Variants in TCF20 observed in about 807,000 individuals in gnomAD.
TCF20 encodes transcription factor 20, also known as SPRE-binding protein.
In TCF20, 3 loss-of-function variants were observed where a neutral mutation model predicts 148.6. The ratio of observed to expected loss-of-function variants is 0.02; its 90% CI spans 0.01 to 0.05. The LOEUF (loss-of-function observed/expected upper bound fraction) is 0.05. Ranked by LOEUF, TCF20 falls within the 10% of genes least tolerant of loss-of-function variation. TCF20 has a pLI of 1.00. For missense variants in TCF20, 2,350 were observed against 2,429.3 expected (o/e 0.97, Z 0.69); for synonymous variants, 1,049 against 909.5 (o/e 1.15, Z -2.76).
rs200083314 is a variant in TCF20 at position 42,215,098 on chromosome 22, C to T, written c.208G>A (p.Ala70Thr). 1 of 1,614,170 alleles carries T rather than the reference C, an allele frequency of 6.2e-7. No individual in the cohort carries two copies. The stretch of plus-strand genomic sequence containing the variant: ...CCTTGATGGCCAGAGGTCTCGCTAG[C>T]CATCGCTGCCGCAGCAGCTGCTGCT... ...RGAAAAAAAM[A>T]SETSGHQGYQ... Residue 70 changes from alanine (A) to threonine (T), a missense_variant, in exon 2 of 6, where the codon GCT (alanine) becomes ACT (threonine). Physicochemically the swap from Ala to Thr is moderately conservative, Grantham distance 58. Transcript: ENST00000677622.
At chr22:42,303,608 A>T (rs1927378154) in intron 1 of TCF20, among the ~76,000 whole-genome samples, 1 of 152,186 alleles carries the variant, frequency 6.6e-6, no homozygotes. Flanking sequence ...CCTCACCTTT[A>T]ACTATCTCCT....
At chr22:42,305,446 A>C (rs1409057857) in intron 1 of TCF20, among the ~76,000 whole-genome samples, 1 of 151,930 alleles carries the variant, frequency 6.6e-6, no homozygotes, top group African/African-American at 2.4e-5. Context: ...GTCTCTCTAA[A>C]CTGCACATCT....
At chr22:42,245,396 T>C (rs1924821925) in intron 1 of TCF20, among the ~76,000 whole-genome samples, 1 of 152,272 alleles carries the variant, frequency 6.6e-6, no homozygotes, top group South Asian at 2.1e-4. Context: ...CTCATTCCCA[T>C]GGCTACTCAT....
At chr22:42,322,812 G>A (rs1927759311) in intron 1 of TCF20, among the ~76,000 whole-genome samples, 1 of 151,742 alleles carries the variant, frequency 6.6e-6, no homozygotes, top group African/African-American at 2.4e-5. Flanking sequence ...CTGAGTAAAT[G>A]AATGTGCCTC....
At chr22:42,263,326 A>C (rs1926121016) in intron 1 of TCF20, among the ~76,000 whole-genome samples, 1 of 152,194 alleles carries the variant, frequency 6.6e-6, no homozygotes, top group African/African-American at 2.4e-5. Flanking sequence ...GGAAACGCCC[A>C]GAGAAGTACC....
At chr22:42,305,252 T>G (rs1316722676) in intron 1 of TCF20, among the ~76,000 whole-genome samples, 1 of 152,094 alleles carries the variant, frequency 6.6e-6, no homozygotes, top group Non-Finnish European at 1.5e-5. Flanking sequence ...AATCCCCTAA[T>G]TCATACTAGG....
chr22:42,160,652 A>G lies in TCF20; in HGVS notation c.*751T>C, dbSNP rs946658160. ...AAAAAGAAAAAATTAAAAAAAAAAA[A>G]CCATAAATAAATAGTGTTTCTGGAA... On this transcript the variant is annotated 3_prime_UTR_variant, in exon 6 of 6. Coordinates refer to ENST00000677622, the MANE Select transcript of TCF20 (RefSeq NM_001378418.1). 3 of 152,102 alleles carry G rather than the reference A, an allele frequency of 2.0e-5. No homozygotes were observed. In the East Asian group the frequency reaches 5.8e-4, roughly 29 times the overall value. 9.4% of individuals were successfully genotyped at this position (152,102 alleles called of 1,614,324 possible). A position where few individuals can be genotyped will look rare whatever the true frequency, so the allele number is the denominator to read the frequency against.
At position 42,190,874 on chromosome 22, in the gene TCF20, T is replaced by C. The variant is rs5758642; in HGVS notation, c.5656-11172A>G. ...TGCCCACAAAAAAGAAAGTTCGTAATTATCACACATGGTATGAACTTCAAC... is the reference window on the plus strand; with the variant it reads ...TGCCCACAAAAAAGAAAGTTCGTAACTATCACACATGGTATGAACTTCAAC... On this transcript the variant is annotated intron_variant, in intron 2 of 5. Coordinates refer to ENST00000677622, the MANE Select transcript of TCF20 (RefSeq NM_001378418.1). Among the ~76,000 whole-genome samples, 81 of 152,310 alleles carry C rather than the reference T, an allele frequency of 5.3e-4. No homozygotes were observed. The East Asian group carries it at 0.015, about 28-fold the overall frequency.
At chr22:42,309,454 C>T (rs981207820) in intron 1 of TCF20, among the ~76,000 whole-genome samples, 1 of 152,082 alleles carries the variant, frequency 6.6e-6, no homozygotes, top group Non-Finnish European at 1.5e-5. Flanking sequence ...TGGGCCTCCG[C>T]GCTCTGGCCT....
intron 3 of TCF20, among the ~76,000 whole-genome samples, chr22:42,175,041 C>CA (rs943343065): frequency 0.01 from 1,381 of 137,322 alleles, 2 homozygotes; most frequent in Non-Finnish European, 0.013. Context: ...TCTCAAAAAA[C>CA]AAAAAAAAAA....
At position 42,218,047 on chromosome 22, in the gene TCF20, T is replaced by C. The variant is rs545190516; in HGVS notation, c.-36-2706A>G. Among the ~76,000 whole-genome samples the C allele has an allele frequency of 1.1e-4, 16 of 152,354 alleles. No individual in the cohort carries two copies. The South Asian group carries it at 3.1e-3, about 30-fold the overall frequency. ...AAATGCCTCTGTTGCTTTGTTCCAGTGAATCTGCAGGGCAGTAGGTAATAG... is the reference window on the plus strand; with the variant it reads ...AAATGCCTCTGTTGCTTTGTTCCAGCGAATCTGCAGGGCAGTAGGTAATAG... On this transcript the variant is annotated intron_variant, in intron 1 of 5. Transcript: ENST00000677622.
chr22:42,313,821 A>G (rs1927580687), intron 1 of TCF20, among the ~76,000 whole-genome samples: 1 of 152,090 alleles, frequency 6.6e-6, no homozygotes, highest in Non-Finnish European at 1.5e-5. Flanking sequence ...GCTGGTCTCA[A>G]ACTCCTGACT....
At chr22:42,177,466 C>T (rs191504762) in intron 3 of TCF20, among the ~76,000 whole-genome samples, 5 of 152,070 alleles carry the variant, frequency 3.3e-5, no homozygotes, top group East Asian at 1.9e-4. Context: ...CCCACCTTGC[C>T]GCCAAAAAAG....
At position 42,211,349 on chromosome 22, in the gene TCF20, G is replaced by A. The variant is rs1569146119; in HGVS notation, c.3957C>T (p.Asp1319=). The A allele has an allele frequency of 1.2e-6, 2 of 1,614,052 alleles. No homozygotes were observed. The highest frequency in any genetic ancestry group is 2.7e-5 in the African/African-American group (2 of 74,904). Residue 1319 remains aspartate, a synonymous_variant, in exon 2 of 6, where the codon GAC becomes GAT. Transcript: ENST00000677622. ...KSIPKRDSSK[D]LPSPDSRNCP... ...AGTTTCTACTATCTGGACTTGGAAG[G>A]TCCTTGGAGGAATCTCTCTTAGGGA...
upstream of TCF20, among the ~76,000 whole-genome samples, chr22:42,273,132 G>GGT (rs1555952784): frequency 6.6e-6 from 1 of 151,864 alleles, no homozygotes; most frequent in Non-Finnish European, 1.5e-5. Flanking sequence ...GGCCAAGGGG[G>GGT]GTGTATCACC....
intron 1 of TCF20, among the ~76,000 whole-genome samples, chr22:42,303,992 C>T (rs780117588): frequency 6.6e-6 from 1 of 152,042 alleles, no homozygotes; most frequent in South Asian, 2.1e-4. Flanking sequence ...GCAGACCATA[C>T]TCCAGTCTAG....
chr22:42,218,873 T>C (rs1476854509), intron 1 of TCF20, among the ~76,000 whole-genome samples: 1 of 151,334 alleles, frequency 6.6e-6, no homozygotes, highest in Non-Finnish European at 1.5e-5. Context: ...CTTTCCCTAT[T>C]GTTATGGTTC....
At position 42,279,420 on chromosome 22, in the gene TCF20, T is replaced by C. The variant is rs1367131132; in HGVS notation, c.-37+4407A>G. Among the ~76,000 whole-genome samples, 1 of 152,090 alleles carries C rather than the reference T, an allele frequency of 6.6e-6. No homozygotes were observed. The highest frequency in any genetic ancestry group is 1.5e-5 in the Non-Finnish European group (1 of 68,010). On this transcript the variant is annotated intron_variant, in intron 1 of 5. Coordinates refer to the TCF20 transcript ENST00000359486. The surrounding 1 kb of genome is among the most constrained non-coding windows in gnomAD (Gnocchi z 4.3). ...TGAACCTGGGAGGCAGAGGTTGCAG[T>C]GAGCAGAGATTGCGCCACTGCACTC...
chr22:42,205,270 G>A (rs1938308284), intron 2 of TCF20, among the ~76,000 whole-genome samples: 1 of 139,502 alleles, frequency 7.2e-6, no homozygotes, highest in Non-Finnish European at 1.5e-5. Context: ...AGATTCACAA[G>A]TCCCACACTT....
Sources: gnomAD v4.1 joint callset for allele counts (sites outside exome capture counted in the v4.1 genomes callset) on GRCh38, gnomAD v4.1.1 for gene constraint, Gnocchi (gnomAD v3.1) non-coding constraint, MANE v1.5 for transcripts, NCBI Gene and HGNC (gene_info 2026-07-23, HGNC 2026-07-21) for gene names.